Variants in TSHR observed in about 807,000 individuals in gnomAD.
The protein encoded by TSHR is thyroid stimulating hormone receptor, also known as thyrotropin receptor.
A neutral mutation model predicts 64.1 loss-of-function variants in TSHR; 51 were observed. The ratio of observed to expected loss-of-function variants is 0.80; its 90% CI spans 0.64 to 1.01. TSHR has a LOEUF of 1.01. Among genes scored for constraint, TSHR ranks in the 50% least tolerant of loss-of-function variants. The pLI is 0.00. For synonymous variants in TSHR, 361 were observed against 361.9 expected, an observed-to-expected ratio of 1.00 and a Z score of 0.03; for missense variants, 877 against 942.8, an observed-to-expected ratio of 0.93 and a Z score of 0.91.
rs1186758069 is a variant in TSHR at position 81,143,062 on chromosome 14, T to C, written c.1004T>C (p.Val335Ala). 3 of 1,614,170 alleles carry C rather than the reference T, an allele frequency of 1.9e-6. No homozygotes were observed. The highest frequency in any genetic ancestry group is 2.2e-5 in the South Asian group (2 of 91,082). The change falls in exon 10 of 10, where the codon GTT becomes GCT. Residue 335 changes from valine (V) to alanine (A), a missense_variant. Physicochemically the swap from Val to Ala is moderately conservative, Grantham distance 64. Transcript: ENST00000298171. ...EYEENLGDSI[V>A]GYKEKSKFQD... ...GAAGAGAATCTGGGTGACAGCATTG[T>C]TGGGTACAAGGAAAAGTCCAAGTTC...
At chr14:81,081,192 G>A (rs373831604) in intron 3 of TSHR, among the ~76,000 whole-genome samples, 1 of 152,108 alleles carries the variant, frequency 6.6e-6, no homozygotes, top group Non-Finnish European at 1.5e-5. Context: ...GACTTATAAA[G>A]AGAAAATCTG....
intron 1 of TSHR, among the ~76,000 whole-genome samples, chr14:80,965,808 C>A (rs779679073): frequency 6.6e-5 from 10 of 152,084 alleles, no homozygotes; most frequent in Non-Finnish European, 1.3e-4. Flanking sequence ...TTTTTAATTA[C>A]AAAGTTGGCA....
chr14:80,985,435 T>C (rs1188179803), intron 1 of TSHR, among the ~76,000 whole-genome samples: 2 of 152,236 alleles, frequency 1.3e-5, no homozygotes, highest in Non-Finnish European at 2.9e-5. Flanking sequence ...ACAGAATAAA[T>C]GTAATCGGAG....
At chr14:81,028,813 A>G (rs1261342239) in intron 1 of TSHR, among the ~76,000 whole-genome samples, 1 of 152,132 alleles carries the variant, frequency 6.6e-6, no homozygotes, top group South Asian at 2.1e-4. Flanking sequence ...CAGGAGATTC[A>G]GAATATGAAT....
rs950136189 is a variant in TSHR, at chr14:81,145,655, G to A, written c.*1302G>A. On this transcript the variant is annotated 3_prime_UTR_variant, in exon 10 of 10. Coordinates refer to ENST00000298171, the MANE Select transcript of TSHR (RefSeq NM_000369.5). ...ATGATTTTTGCCATTTCCAGTCCAC[G>A]GTATGATACTAAAGCTGTCAAGAGA... 1.3e-5 allele frequency: 3 copies of A among 232,958 alleles called. No homozygotes were observed. The highest frequency in any genetic ancestry group is 1.2e-4 in the East Asian group (2 of 16,566). The allele number at this position is 232,958 out of a possible 1,614,324, so 14.4% of individuals were successfully genotyped here. A position where few individuals can be genotyped will look rare whatever the true frequency, so the allele number is the denominator to read the frequency against.
In TSHR at chr14:81,091,110, C is replaced by T. The variant is rs756651633; in HGVS notation, c.434C>T (p.Thr145Ile). 13 of 1,612,374 alleles carry T rather than the reference C, an allele frequency of 8.1e-6. No homozygotes were observed. In the South Asian group the frequency reaches 1.3e-4, roughly 16 times the overall value. Residue 145 changes from threonine (T) to isoleucine (I), a missense_variant, in exon 5 of 10, where the codon ACC becomes ATC. Coordinates refer to ENST00000298171, the MANE Select transcript of TSHR (RefSeq NM_000369.5). ...GGACTTAAAATGTTCCCTGACCTGACCAAAGTTTATTCCACTGATATATTC... is the reference window on the plus strand; with the variant it reads ...GGACTTAAAATGTTCCCTGACCTGATCAAAGTTTATTCCACTGATATATTC... ...NTGLKMFPDL[T>I]KVYSTDIFFI...
intron 2 of TSHR, 41 bp from the exon 3 acceptor site, chr14:81,068,213 T>A (rs556700245): frequency 6.3e-7 from 1 of 1,592,288 alleles, no homozygotes; most frequent in Admixed American, 1.7e-5. Context: ...TTTACAACCT[T>A]ACTAACTTTC....
chr14:81,081,637 T>C (rs563696070), intron 3 of TSHR, among the ~76,000 whole-genome samples: 6 of 152,264 alleles, frequency 3.9e-5, no homozygotes, highest in African/African-American at 4.8e-5. Flanking sequence ...TAATGTATTA[T>C]GTGATAGAAC....
chr14:81,132,840 ATTC>A (rs1891304407), intron 8 of TSHR, among the ~76,000 whole-genome samples: 1 of 141,434 alleles, frequency 7.1e-6, no homozygotes, highest in South Asian at 2.3e-4. Context: ...AACTCTTTAT[ATTC>A]TTCTTACTCA....
intron 3 of TSHR, among the ~76,000 whole-genome samples, chr14:81,084,735 T>A (rs1888159141): frequency 6.6e-6 from 1 of 152,210 alleles, no homozygotes; most frequent in African/African-American, 2.4e-5. Context: ...TCCAGCTTTC[T>A]GGCAGCATAG....
At chr14:80,984,096 T>C (rs1888315822) in intron 1 of TSHR, among the ~76,000 whole-genome samples, 1 of 152,164 alleles carries the variant, frequency 6.6e-6, no homozygotes, top group Non-Finnish European at 1.5e-5. Flanking sequence ...TGCACGTGTA[T>C]ACCCATGACC....
chr14:81,018,217 C>T lies in TSHR; in HGVS notation c.171-43931C>T, dbSNP rs183714154. Among the ~76,000 whole-genome samples, 457 of 152,226 alleles carry T rather than the reference C, an allele frequency of 3.0e-3. 2 individuals carry two copies. The highest frequency in any genetic ancestry group is 0.011 in the African/African-American group (443 of 41,506). On this transcript the variant is annotated intron_variant, in intron 1 of 9. Coordinates refer to ENST00000298171, the MANE Select transcript of TSHR (RefSeq NM_000369.5). Reference sequence around the variant, plus strand: ...AACAAAGAGCTTAGTTCATGAAAGCCGCCCAATAAATGTTCTTTAAATTAA... The same window carrying T: ...AACAAAGAGCTTAGTTCATGAAAGCTGCCCAATAAATGTTCTTTAAATTAA...
chr14:81,060,848 T>C (rs1203553623), intron 1 of TSHR, among the ~76,000 whole-genome samples: 2 of 152,158 alleles, frequency 1.3e-5, no homozygotes, highest in Non-Finnish European at 2.9e-5. Context: ...TAATACACTA[T>C]GCACACTGTT....
At chr14:80,976,242 C>A (rs1415232333) in intron 1 of TSHR, among the ~76,000 whole-genome samples, 1 of 152,144 alleles carries the variant, frequency 6.6e-6, no homozygotes, top group Non-Finnish European at 1.5e-5. Flanking sequence ...CAGCCACAGC[C>A]CACCCCTTGC....
chr14:80,974,337 A>G lies in TSHR; in HGVS notation c.170+18487A>G, dbSNP rs548144276. Among the ~76,000 whole-genome samples the G allele has an allele frequency of 1.3e-4, 20 of 152,316 alleles. No homozygotes were observed. In the South Asian group the frequency reaches 4.1e-3, roughly 32 times the overall value. On this transcript the variant is annotated intron_variant, in intron 1 of 9. Transcript: ENST00000298171. ...CTTCCAAGAGTTCTTATCTTCTTCCAGATATATTCATTCCCAGTAGGGTAA... is the reference window on the plus strand; with the variant it reads ...CTTCCAAGAGTTCTTATCTTCTTCCGGATATATTCATTCCCAGTAGGGTAA...
At chr14:81,048,094 C>G (rs1213522563) in intron 1 of TSHR, among the ~76,000 whole-genome samples, 1 of 152,146 alleles carries the variant, frequency 6.6e-6, no homozygotes, top group African/African-American at 2.4e-5. Flanking sequence ...CTTGCTTTCT[C>G]TTCATAACAA....
intron 1 of TSHR, among the ~76,000 whole-genome samples, chr14:80,998,153 A>C (rs1209484319): frequency 6.6e-6 from 1 of 152,208 alleles, no homozygotes; most frequent in Non-Finnish European, 1.5e-5. Flanking sequence ...GGACAAAAAA[A>C]ATTTCTTTCT....
At chr14:81,108,094 A>G (rs1890015883) in intron 7 of TSHR, among the ~76,000 whole-genome samples, 1 of 152,166 alleles carries the variant, frequency 6.6e-6, no homozygotes, top group Admixed American at 6.6e-5. Flanking sequence ...GGCCTGAAAA[A>G]TAGGGAATTA....
At chr14:81,127,837 C>T (rs1056312154) in intron 8 of TSHR, among the ~76,000 whole-genome samples, 1 of 152,170 alleles carries the variant, frequency 6.6e-6, no homozygotes, top group African/African-American at 2.4e-5. Context: ...CTGTGTTCCC[C>T]AGCCACGTGG....
Sources: gnomAD v4.1 joint callset for allele counts (sites outside exome capture counted in the v4.1 genomes callset) on GRCh38, gnomAD v4.1.1 for gene constraint, MANE v1.5 for transcripts, NCBI Gene and HGNC (gene_info 2026-07-23, HGNC 2026-07-21) for gene names.